Variants in NIPAL2 observed in about 807,000 individuals in gnomAD.
NIPAL2 encodes NIPA-like protein 2.
In NIPAL2, 43 loss-of-function variants were observed where a neutral mutation model predicts 48.9. The observed-to-expected ratio is 0.88, with a 90% confidence interval of 0.69 to 1.13. The LOEUF (loss-of-function observed/expected upper bound fraction) is 1.13. Among genes scored for constraint, NIPAL2 ranks in the 50% most tolerant of loss-of-function variants. NIPAL2 has a pLI of 0.00. For synonymous variants in NIPAL2, 167 were observed against 174.6 expected (o/e 0.96, Z 0.34); for missense variants, 446 against 461.4 (o/e 0.97, Z 0.31).
chr8:98,266,623 C>T (rs113654142), intron 1 of NIPAL2, among the ~76,000 whole-genome samples: 2 of 151,122 alleles, frequency 1.3e-5, no homozygotes, highest in African/African-American at 4.9e-5. Flanking sequence ...CAACAATGTG[C>T]CCAGTAAGAG....
chr8:98,241,151 A>G (rs1052807332), intron 3 of NIPAL2, among the ~76,000 whole-genome samples: 13 of 152,330 alleles, frequency 8.5e-5, no homozygotes, highest in Non-Finnish European at 1.9e-4. Flanking sequence ...GTATAACTGA[A>G]AACACCAAGA....
chr8:98,269,617 GGTAAA>G (rs1308023448), intron 1 of NIPAL2, among the ~76,000 whole-genome samples: 1 of 152,132 alleles, frequency 6.6e-6, no homozygotes, highest in East Asian at 1.9e-4. Flanking sequence ...CTGGAGTACA[GGTAAA>G]GTAGATTATT....
chr8:98,244,831 T>C (rs1425801155), intron 3 of NIPAL2, among the ~76,000 whole-genome samples: 1 of 152,176 alleles, frequency 6.6e-6, no homozygotes, highest in Non-Finnish European at 1.5e-5. Flanking sequence ...TTTAAAAGCA[T>C]TGTTTGAGCC....
At chr8:98,212,365 C>G in intron 6 of NIPAL2, 40 bp downstream of exon 6, 1 of 1,079,164 alleles carries the variant, frequency 9.3e-7, no homozygotes, top group Non-Finnish European at 1.4e-6. Context: ...TGACTCAGCA[C>G]AGCTCAATTA....
chr8:98,200,964 G>A (rs1184157738), intron 8 of NIPAL2, among the ~76,000 whole-genome samples: 1 of 152,048 alleles, frequency 6.6e-6, no homozygotes, highest in Non-Finnish European at 1.5e-5. Flanking sequence ...TTAAAATCAG[G>A]TTATTTGGGT....
intron 3 of NIPAL2, among the ~76,000 whole-genome samples, chr8:98,237,701 G>T (rs900587496): frequency 3.9e-5 from 6 of 152,082 alleles, no homozygotes; most frequent in African/African-American, 1.4e-4. Flanking sequence ...ATAATTCCCA[G>T]AATCCACCAT....
At chr8:98,277,801 T>A (rs547420108) in intron 1 of NIPAL2, among the ~76,000 whole-genome samples, 3 of 152,214 alleles carry the variant, frequency 2.0e-5, no homozygotes, top group African/African-American at 7.2e-5. Context: ...CTCTAGAGCA[T>A]GTACTATTTC....
At chr8:98,236,738 G>T (rs1403510599) in intron 3 of NIPAL2, among the ~76,000 whole-genome samples, 1 of 151,228 alleles carries the variant, frequency 6.6e-6, no homozygotes, top group Non-Finnish European at 1.5e-5. Flanking sequence ...TGTAGTCCCA[G>T]CTACTGGGGA....
intron 1 of NIPAL2, among the ~76,000 whole-genome samples, chr8:98,274,391 A>G: frequency 6.6e-6 from 1 of 151,976 alleles, no homozygotes; most frequent in East Asian, 1.9e-4. Flanking sequence ...GCCAAGTGAG[A>G]TATATTAAAA....
Position 98,203,099 on chromosome 8 carries a change from A to T in NIPAL2, c.880+9T>A, listed in dbSNP as rs754051688. On this transcript the variant is annotated intron_variant, in intron 8 of 10. Coordinates refer to ENST00000430223, the MANE Select transcript of NIPAL2 (RefSeq NM_001321635.2). ...TGGAATCACCAATGTATAGAAAACCAAAACTCACCTGCAATGATGGCACTG... is the reference window on the plus strand; with the variant it reads ...TGGAATCACCAATGTATAGAAAACCTAAACTCACCTGCAATGATGGCACTG... 6.8e-6 allele frequency: 11 copies of T among 1,608,232 alleles called. No individual in the cohort carries two copies. In the Admixed American group the frequency reaches 1.8e-4, roughly 27 times the overall value.
intron 1 of NIPAL2, among the ~76,000 whole-genome samples, chr8:98,279,578 T>C (rs79542204): frequency 0.013 from 1,990 of 152,274 alleles, 52 homozygotes; most frequent in African/African-American, 0.045. Flanking sequence ...GAAAGTGTCT[T>C]ATGCAAAGTC....
intron 1 of NIPAL2, among the ~76,000 whole-genome samples, chr8:98,284,702 A>T (rs1816057736): frequency 2.0e-5 from 3 of 152,144 alleles, no homozygotes; most frequent in South Asian, 4.1e-4. Flanking sequence ...GAGGCTGAAG[A>T]GGAAATAAAG....
At chr8:98,213,304 C>T (rs1355658507) in intron 5 of NIPAL2, among the ~76,000 whole-genome samples, 1 of 152,194 alleles carries the variant, frequency 6.6e-6, no homozygotes, top group South Asian at 2.1e-4. Context: ...TAAATGGTAC[C>T]CAGTTTATTT....
intron 5 of NIPAL2, among the ~76,000 whole-genome samples, chr8:98,219,197 T>C (rs1186259304): frequency 6.6e-6 from 1 of 152,102 alleles, no homozygotes; most frequent in Non-Finnish European, 1.5e-5. Flanking sequence ...CTGTGGGACA[T>C]CCAGGGTTGA....
At chr8:98,213,930 A>G (rs1199804811) in intron 5 of NIPAL2, among the ~76,000 whole-genome samples, 1 of 152,148 alleles carries the variant, frequency 6.6e-6, no homozygotes, top group Non-Finnish European at 1.5e-5. Context: ...CAGGAATCTT[A>G]CCTACTCTTT....
chr8:98,261,315 C>T (rs376459890), intron 1 of NIPAL2, among the ~76,000 whole-genome samples: 6 of 135,244 alleles, frequency 4.4e-5, no homozygotes, highest in East Asian at 2.2e-4. Context: ...AGGCTTCAGA[C>T]GATCAAATTA....
intron 4 of NIPAL2, among the ~76,000 whole-genome samples, chr8:98,232,058 G>A (rs528662114): frequency 6.6e-5 from 10 of 152,084 alleles, no homozygotes; most frequent in Admixed American, 5.9e-4. Flanking sequence ...TCAAGGCAAC[G>A]GCAACAAAGG....
chr8:98,206,490 T>C (rs1811045291), intron 6 of NIPAL2, among the ~76,000 whole-genome samples: 1 of 151,954 alleles, frequency 6.6e-6, no homozygotes, highest in Non-Finnish European at 1.5e-5. Flanking sequence ...TTTCTTTTAG[T>C]TAAAAATCAT....
intron 1 of NIPAL2, among the ~76,000 whole-genome samples, chr8:98,275,059 C>T (rs938188044): frequency 6.6e-6 from 1 of 152,104 alleles, no homozygotes; most frequent in Non-Finnish European, 1.5e-5. Flanking sequence ...TTTCCTCTAA[C>T]TGCCCTCCCT....
Sources: allele counts gnomAD v4.1 joint callset (sites outside exome capture counted in the v4.1 genomes callset), GRCh38; gene constraint gnomAD v4.1.1; transcripts MANE v1.5; gene names NCBI Gene and HGNC (gene_info 2026-07-23, HGNC 2026-07-21).